Variants in CYTH3 observed in about 807,000 individuals in gnomAD.
CYTH3 encodes cytohesin-3.
Under a neutral mutation model 55.1 loss-of-function variants are expected in CYTH3, and 23 were observed. The ratio of observed to expected loss-of-function variants is 0.42; its 90% CI spans 0.30 to 0.59. CYTH3 has a LOEUF of 0.59. CYTH3 is among the 20% of genes least tolerant of loss of function. The pLI is 0.20. For synonymous variants in CYTH3, 249 were observed against 194.9 expected (o/e 1.28, Z -2.31); for missense variants, 413 against 524.8 (o/e 0.79, Z 2.08).
At chr7:6,261,995 C>A in intron 1 of CYTH3, among the ~76,000 whole-genome samples, 1 of 151,760 alleles carries the variant, frequency 6.6e-6, no homozygotes, top group Non-Finnish European at 1.5e-5. Context: ...TAAAAAATGC[C>A]AGCAGAAAAT....
At chr7:6,212,285 G>T (rs527836545) in intron 1 of CYTH3, among the ~76,000 whole-genome samples, 46 of 152,256 alleles carry the variant, frequency 3.0e-4, no homozygotes, top group African/African-American at 1.1e-3. Flanking sequence ...GTGCCACCAG[G>T]CCTGGCATCC....
chr7:6,236,116 A>G (rs551188184), intron 1 of CYTH3, among the ~76,000 whole-genome samples: 1 of 152,360 alleles, frequency 6.6e-6, no homozygotes, highest in South Asian at 2.1e-4. Flanking sequence ...GGATGAAGAC[A>G]GCTGCGGAAT....
intron 1 of CYTH3, among the ~76,000 whole-genome samples, chr7:6,244,089 T>C (rs1362675240): frequency 6.6e-6 from 1 of 152,236 alleles, no homozygotes; most frequent in Admixed American, 6.5e-5. Flanking sequence ...TGAAGTTGCA[T>C]GTTCTATGCA....
chr7:6,235,638 G>A (rs1316730396), intron 1 of CYTH3, among the ~76,000 whole-genome samples: 1 of 152,168 alleles, frequency 6.6e-6, no homozygotes, highest in Non-Finnish European at 1.5e-5. Context: ...ATACACGGGA[G>A]TCGTTAGATA....
intron 1 of CYTH3, among the ~76,000 whole-genome samples, chr7:6,249,777 G>T (rs754917451): frequency 6.6e-6 from 1 of 152,120 alleles, no homozygotes; most frequent in Non-Finnish European, 1.5e-5. Context: ...TGTACATCTC[G>T]ATGTCTTGAT....
chr7:6,218,016 C>G (rs1388701605), intron 1 of CYTH3, among the ~76,000 whole-genome samples: 1 of 152,074 alleles, frequency 6.6e-6, no homozygotes, highest in Non-Finnish European at 1.5e-5. Context: ...AACCTCATCT[C>G]TATGAAAAAT....
intron 1 of CYTH3, among the ~76,000 whole-genome samples, chr7:6,234,032 G>A (rs574618291): frequency 6.6e-6 from 1 of 152,142 alleles, no homozygotes; most frequent in Non-Finnish European, 1.5e-5. Flanking sequence ...AGTACCATCA[G>A]GCCCACCTCC....
At chr7:6,173,424 C>T (rs7802499) in intron 6 of CYTH3, among the ~76,000 whole-genome samples, 1 of 152,242 alleles carries the variant, frequency 6.6e-6, no homozygotes, top group Non-Finnish European at 1.5e-5. Context: ...GGAGCATCAG[C>T]GGCCACAGTG....
At chr7:6,173,811 G>A in intron 5 of CYTH3, 78 bp from the exon 6 acceptor site, 3 of 872,504 alleles carry the variant, frequency 3.4e-6, no homozygotes, top group South Asian at 1.4e-5. Context: ...GATGAATAAT[G>A]TGGCTATGAA....
chr7:6,240,672 C>T (rs531655746), intron 1 of CYTH3, among the ~76,000 whole-genome samples: 1 of 152,226 alleles, frequency 6.6e-6, no homozygotes, highest in South Asian at 2.1e-4. Flanking sequence ...TCACGCCACA[C>T]ATCAGAATAA....
chr7:6,186,040 C>A (rs574541937), intron 4 of CYTH3, among the ~76,000 whole-genome samples: 2 of 151,752 alleles, frequency 1.3e-5, no homozygotes, highest in Non-Finnish European at 2.9e-5. Flanking sequence ...GTCAGGAGAT[C>A]AAGACCATCC....
intron 1 of CYTH3, among the ~76,000 whole-genome samples, chr7:6,251,928 A>T (rs181446526): frequency 4.2e-4 from 64 of 152,332 alleles, no homozygotes; most frequent in African/African-American, 1.2e-3. Context: ...TGAAAAAAGA[A>T]AAACAAAATG....
chr7:6,185,512 C>T (rs546911833), intron 4 of CYTH3, among the ~76,000 whole-genome samples: 8 of 152,078 alleles, frequency 5.3e-5, no homozygotes, highest in East Asian at 3.9e-4. Context: ...CTAGCTAACA[C>T]AGTGAAACCC....
At chr7:6,262,447 A>C (rs1436615087) in intron 1 of CYTH3, among the ~76,000 whole-genome samples, 1 of 152,222 alleles carries the variant, frequency 6.6e-6, no homozygotes, top group Non-Finnish European at 1.5e-5. Flanking sequence ...CCCAAAGAGA[A>C]CATCTTAAAA....
At chr7:6,263,611 C>T (rs1305799773) in intron 1 of CYTH3, among the ~76,000 whole-genome samples, 3 of 152,028 alleles carry the variant, frequency 2.0e-5, no homozygotes, top group African/African-American at 7.3e-5. Context: ...GCCTGGCCAA[C>T]GTAGCAAAAA....
chr7:6,179,759 A>C (rs1271058395), intron 4 of CYTH3, among the ~76,000 whole-genome samples: 7 of 64,514 alleles, frequency 1.1e-4, no homozygotes, highest in Non-Finnish European at 1.7e-4. Flanking sequence ...CCACACCCCC[A>C]CCACACACAC....
intron 1 of CYTH3, among the ~76,000 whole-genome samples, chr7:6,195,546 C>A (rs1404573950): frequency 6.6e-6 from 1 of 152,110 alleles, no homozygotes; most frequent in African/African-American, 2.4e-5. Flanking sequence ...CCTCCACCTC[C>A]CAGGTTCAAG....
chr7:6,242,201 C>T (rs540820982), intron 1 of CYTH3, among the ~76,000 whole-genome samples: 3 of 150,284 alleles, frequency 2.0e-5, no homozygotes, highest in Admixed American at 6.6e-5. Context: ...CTCAGCCTCC[C>T]GAGTAGCTGG....
chr7:6,170,685 G>A lies in CYTH3; in HGVS notation c.712-39C>T, dbSNP rs770389015. 2 of 1,598,030 alleles carry A rather than the reference G, an allele frequency of 1.3e-6. No individual in the cohort carries two copies. The highest frequency in any genetic ancestry group is 1.7e-6 in the Non-Finnish European group (2 of 1,171,070). ...AAACAGCAGCCAGTTCAGAGACTCG[G>A]AGGAAAATGGCTGGCCGGGCAGAAA... On this transcript the variant is annotated intron_variant, in intron 8 of 12. Coordinates refer to ENST00000350796, the MANE Select transcript of CYTH3 (RefSeq NM_004227.4). The surrounding 1 kb of genome is among the most constrained non-coding windows in gnomAD (Gnocchi z 7.8).
Sources: gnomAD v4.1 joint callset for allele counts (sites outside exome capture counted in the v4.1 genomes callset) on GRCh38, gnomAD v4.1.1 for gene constraint, Gnocchi (gnomAD v3.1) non-coding constraint, MANE v1.5 for transcripts, NCBI Gene and HGNC (gene_info 2026-07-23, HGNC 2026-07-21) for gene names.